SWT1: variants seen among roughly 807,000 people sequenced by gnomAD.
SWT1 encodes the protein SWT1 RNA endoribonuclease homolog.
SWT1 carries 33 observed loss-of-function variants against 107.3 expected under a neutral mutation model. That is an observed-to-expected ratio of 0.31 (90% CI 0.23 to 0.41). The LOEUF (loss-of-function observed/expected upper bound fraction) is 0.41. Among genes scored for constraint, SWT1 ranks in the 10% least tolerant of loss-of-function variants. SWT1 has a pLI of 1.00. For missense variants in SWT1, 898 were observed against 1,028.9 expected (o/e 0.87, Z 1.74); for synonymous variants, 345 against 348.3 (o/e 0.99, Z 0.11).
intron 16 of SWT1, among the ~76,000 whole-genome samples, chr1:185,270,922 G>C (rs1327324133): frequency 6.6e-6 from 1 of 152,160 alleles, no homozygotes; most frequent in Non-Finnish European, 1.5e-5. Context: ...GTTTGGACTG[G>C]TTGAACATTT....
intron 15 of SWT1, among the ~76,000 whole-genome samples, chr1:185,228,200 T>A (rs35567636): frequency 6.9e-6 from 1 of 144,956 alleles, no homozygotes; most frequent in African/African-American, 2.7e-5. Context: ...CATATATATA[T>A]ACTCAGTATG....
At chr1:185,275,475 A>G (rs1317772760) in intron 17 of SWT1, among the ~76,000 whole-genome samples, 1 of 148,872 alleles carries the variant, frequency 6.7e-6, no homozygotes, top group Admixed American at 6.7e-5. Flanking sequence ...ATATAAATAT[A>G]TACTAATTTT....
intron 16 of SWT1, among the ~76,000 whole-genome samples, chr1:185,269,428 T>C (rs918103274): frequency 6.6e-6 from 1 of 151,444 alleles, no homozygotes; most frequent in African/African-American, 2.4e-5. Flanking sequence ...ACTTTTTCTA[T>C]GAAATAGTAT....
chr1:185,211,298 C>T (rs1296157904), intron 13 of SWT1, among the ~76,000 whole-genome samples: 4 of 152,136 alleles, frequency 2.6e-5, no homozygotes, highest in Non-Finnish European at 2.9e-5. Context: ...AACTATACTA[C>T]AAGGCTACAG....
chr1:185,207,417 C>G (rs1198195361), intron 13 of SWT1, among the ~76,000 whole-genome samples: 1 of 152,118 alleles, frequency 6.6e-6, no homozygotes, highest in East Asian at 1.9e-4. Flanking sequence ...CCAACTTTAG[C>G]CAGAGCAGCT....
intron 16 of SWT1, among the ~76,000 whole-genome samples, chr1:185,260,830 A>G (rs1272687007): frequency 2.6e-5 from 4 of 152,180 alleles, no homozygotes; most frequent in Non-Finnish European, 5.9e-5. Context: ...TATAAATACC[A>G]GAGCAAAAGT....
At chr1:185,201,055 G>A (rs1277011084) in intron 10 of SWT1, among the ~76,000 whole-genome samples, 2 of 152,088 alleles carry the variant, frequency 1.3e-5, no homozygotes, top group Non-Finnish European at 2.9e-5. Context: ...CACTGTGAGG[G>A]TAAAACTGCC....
At chr1:185,198,217 GGTT>G (rs1657565668) in intron 10 of SWT1, among the ~76,000 whole-genome samples, 1 of 152,148 alleles carries the variant, frequency 6.6e-6, no homozygotes, top group Non-Finnish European at 1.5e-5. Context: ...TTCAGGAGCA[GGTT>G]GTTCAGTTTC....
intron 4 of SWT1, among the ~76,000 whole-genome samples, chr1:185,171,116 CCTT>C (rs1243384609): frequency 6.6e-6 from 1 of 152,048 alleles, no homozygotes; most frequent in Non-Finnish European, 1.5e-5. Context: ...GTCACCGTCT[CCTT>C]CTATTCTGGT....
intron 12 of SWT1, among the ~76,000 whole-genome samples, chr1:185,205,488 C>T (rs1230734371): frequency 6.6e-6 from 1 of 152,120 alleles, no homozygotes; most frequent in Non-Finnish European, 1.5e-5. Flanking sequence ...CCTGCCTCAG[C>T]CCCCCAAGCA....
intron 5 of SWT1, among the ~76,000 whole-genome samples, chr1:185,179,906 G>A (rs1285976816): frequency 6.6e-6 from 1 of 152,162 alleles, no homozygotes. Context: ...TGAGGTTGGG[G>A]CTGGCACTAC....
chr1:185,279,495 G>A lies in SWT1; in HGVS notation c.2573+2827G>A, dbSNP rs1346520598. Among the ~76,000 whole-genome samples, 4 of 152,084 alleles carry A rather than the reference G, an allele frequency of 2.6e-5. No individual in the cohort carries two copies. The East Asian group carries it at 7.7e-4, about 29-fold the overall frequency. The stretch of plus-strand genomic sequence containing the variant: ...AGTAAACCCTCTTTTATACCCAGAA[G>A]GATGATTTTAAAGAGAAATCAAATA... On this transcript the variant is annotated intron_variant, in intron 18 of 18. Coordinates refer to ENST00000367500, the MANE Select transcript of SWT1 (RefSeq NM_017673.7).
intron 17 of SWT1, among the ~76,000 whole-genome samples, chr1:185,273,303 G>A (rs1354030669): frequency 6.6e-6 from 1 of 152,116 alleles, no homozygotes; most frequent in Non-Finnish European, 1.5e-5. Context: ...TACTCGTAAG[G>A]CTGAGGCAGG....
rs59643566 is a variant in SWT1 at position 185,221,050 on chromosome 1, GACACACAC to G, written c.2122-772_2122-765del. ...TAGTGTGCATGTGTGCGTGCACACA[GACACACAC>G]ACACACACACACACACACACACACA... On this transcript the variant is annotated intron_variant, in intron 14 of 18. Coordinates refer to ENST00000367500, the MANE Select transcript of SWT1 (RefSeq NM_017673.7). 3.1e-3 allele frequency among the ~76,000 whole-genome samples: 463 copies of G among 149,746 alleles called. 2 individuals carry two copies. The highest frequency in any genetic ancestry group is 9.5e-3 in the East Asian group (48 of 5,044).
chr1:185,187,999 C>A (rs10798000), intron 9 of SWT1, among the ~76,000 whole-genome samples: 69,108 of 152,042 alleles, frequency 0.45, 17,567 homozygotes, highest in African/African-American at 0.7. Context: ...TGCCAAGCTG[C>A]ATCTTAAGTA....
chr1:185,236,403 G>A (rs1414381584), intron 16 of SWT1, among the ~76,000 whole-genome samples: 1 of 152,210 alleles, frequency 6.6e-6, no homozygotes, highest in Non-Finnish European at 1.5e-5. Context: ...AGAGGCCTCA[G>A]AAGTAATGCC....
At chr1:185,167,669 C>CT (rs1178567432) in intron 3 of SWT1, among the ~76,000 whole-genome samples, 1 of 151,934 alleles carries the variant, frequency 6.6e-6, no homozygotes. Flanking sequence ...ATCCAGTTTT[C>CT]TTTTTTTTGT....
chr1:185,279,855 G>A (rs1664504998), intron 18 of SWT1, among the ~76,000 whole-genome samples: 2 of 151,846 alleles, frequency 1.3e-5, no homozygotes, highest in South Asian at 4.2e-4. Context: ...ATGAAGGACA[G>A]TTAATGTTTA....
intron 16 of SWT1, among the ~76,000 whole-genome samples, chr1:185,267,699 C>A (rs1404897246): frequency 6.6e-6 from 1 of 152,106 alleles, no homozygotes; most frequent in African/African-American, 2.4e-5. Flanking sequence ...TTTTAAAGGA[C>A]AAATATGAAT....
Sources: allele counts gnomAD v4.1 joint callset (sites outside exome capture counted in the v4.1 genomes callset), GRCh38; gene constraint gnomAD v4.1.1; transcripts MANE v1.5; gene names NCBI Gene and HGNC (gene_info 2026-07-23, HGNC 2026-07-21).